Variants in PCDHGA6 observed in about 807,000 individuals in gnomAD.
The protein encoded by PCDHGA6 is protocadherin gamma-A6.
Under a neutral mutation model 60.6 loss-of-function variants are expected in PCDHGA6, and 41 were observed. The ratio of observed to expected loss-of-function variants is 0.68; its 90% CI spans 0.53 to 0.88. PCDHGA6 has a LOEUF of 0.88. Ranked by LOEUF, PCDHGA6 falls within the 40% of genes least tolerant of loss-of-function variation. The probability of loss-of-function intolerance (pLI) is 0.00; values close to 1 mark genes in which losing one functional copy is unlikely to be tolerated. For missense variants in PCDHGA6, 1,312 were observed against 1,203.0 expected, an observed-to-expected ratio of 1.09 and a Z score of -1.34; for synonymous variants, 594 against 524.4, an observed-to-expected ratio of 1.13 and a Z score of -1.81.
chr5:141,422,078 A>G lies in PCDHGA6; in HGVS notation c.2424+45571A>G, dbSNP rs1442545718. 11 of 1,612,298 alleles carry G rather than the reference A, an allele frequency of 6.8e-6. No homozygotes were observed. In the South Asian group the frequency reaches 8.8e-5, roughly 13 times the overall value. Reference sequence around the variant, plus strand: ...GGGGAAGTAATGTATTCATTTCGGAACATGGAAAGCAAGGCTTCTGAAATA... The same window carrying G: ...GGGGAAGTAATGTATTCATTTCGGAGCATGGAAAGCAAGGCTTCTGAAATA... On this transcript the variant is annotated intron_variant, in intron 1 of 3. Coordinates refer to ENST00000517434, the MANE Select transcript of PCDHGA6 (RefSeq NM_018919.3).
At chr5:141,383,710 G>C (rs1388027066) in intron 1 of PCDHGA6, 1 of 1,613,992 alleles carries the variant, frequency 6.2e-7, no homozygotes. Flanking sequence ...CGACCTGGAC[G>C]AGGGAGTCAA....
intron 1 of PCDHGA6, chr5:141,441,530 A>T (rs2154559371): frequency 5.8e-6 from 1 of 172,118 alleles, no homozygotes; most frequent in Non-Finnish European, 1.2e-5. Flanking sequence ...GCCAAGAACA[A>T]TCTTCCCAAA....
Position 141,422,340 on chromosome 5 carries a change from T to C in PCDHGA6, c.2424+45833T>C, listed in dbSNP as rs776306472. ...CAGGTACAGTGATTGCTCTTCTAAA[T>C]GTGCAAGATCAAGATTCTGGAGAAA... On this transcript the variant is annotated intron_variant, in intron 1 of 3. Transcript: ENST00000517434. 2.6e-6 allele frequency: 4 copies of C among 1,550,190 alleles called. 1 individual carries two copies. Among genetic ancestry groups the C allele is most frequent in the Non-Finnish European group, 3.5e-6 (4 of 1,154,238 alleles).
intron 1 of PCDHGA6, chr5:141,410,822 A>C: frequency 2.2e-6 from 1 of 461,410 alleles, no homozygotes; most frequent in Non-Finnish European, 3.6e-6. Context: ...AAATAATGTC[A>C]CCAGACTGAA....
At chr5:141,428,021 C>G (rs1185050109) in intron 1 of PCDHGA6, 1 of 1,605,486 alleles carries the variant, frequency 6.2e-7, no homozygotes, top group Admixed American at 1.7e-5. Flanking sequence ...TGCCACGCGC[C>G]GCAGAGTCCG....
intron 1 of PCDHGA6, among the ~76,000 whole-genome samples, chr5:141,448,476 G>A (rs1002358317): frequency 1.3e-5 from 2 of 151,976 alleles, no homozygotes; most frequent in African/African-American, 4.8e-5. Flanking sequence ...TTCCACCCTT[G>A]CTTCCTCCTG....
chr5:141,400,163 A>G, intron 1 of PCDHGA6: 1 of 1,613,830 alleles, frequency 6.2e-7, no homozygotes, highest in Non-Finnish European at 8.5e-7. Flanking sequence ...GTACCCTCTG[A>G]CCCCCAGGCT....
At position 141,420,872 on chromosome 5, in the gene PCDHGA6, G is replaced by A. The variant is rs575322685; in HGVS notation, c.2424+44365G>A. 3.3e-5 allele frequency among the ~76,000 whole-genome samples: 5 copies of A among 152,328 alleles called. No homozygotes were observed. The East Asian group carries it at 7.7e-4, about 24-fold the overall frequency. On this transcript the variant is annotated intron_variant, in intron 1 of 3. Coordinates refer to ENST00000517434, the MANE Select transcript of PCDHGA6 (RefSeq NM_018919.3). ...AAAGTTTTAACGTCACATAATGTAA[G>A]TATTGTGTATCATCGTTTTTAAGCT...
chr5:141,427,890 G>T lies in PCDHGA6; in HGVS notation c.2424+51383G>T, dbSNP rs1438515062. 1.9e-6 allele frequency: 3 copies of T among 1,566,844 alleles called. No homozygotes were observed. In the South Asian group the frequency reaches 3.3e-5, roughly 17 times the overall value. Reference sequence around the variant, plus strand: ...GCTCACGATGCAGGCCCACGACCAGGGCTCGCCCGCGCTCAGCGCCAACAT... The same window carrying T: ...GCTCACGATGCAGGCCCACGACCAGTGCTCGCCCGCGCTCAGCGCCAACAT... On this transcript the variant is annotated intron_variant, in intron 1 of 3. Transcript: ENST00000517434.
intron 1 of PCDHGA6, among the ~76,000 whole-genome samples, chr5:141,381,826 C>CTTCT (rs1777532522): frequency 2.0e-4 from 15 of 74,296 alleles, no homozygotes; most frequent in South Asian, 5.2e-4. Context: ...CTTTCTTCTT[C>CTTCT]TTTTTTTTTT....
At position 141,431,808 on chromosome 5, in the gene PCDHGA6, C is replaced by A. The variant is rs2097419249; in HGVS notation, c.2424+55301C>A. Reference sequence around the variant, plus strand: ...GACAATGCCCCAGAAGTGGTCCTCACCTCTCTCGCCAGCTCGGTTCCCGAA... The same window carrying A: ...GACAATGCCCCAGAAGTGGTCCTCAACTCTCTCGCCAGCTCGGTTCCCGAA... On this transcript the variant is annotated intron_variant, in intron 1 of 3. Transcript: ENST00000517434. The surrounding 1 kb of genome is among the most constrained non-coding windows in gnomAD (Gnocchi z 4.8). The A allele has an allele frequency of 6.2e-7, 1 of 1,614,236 alleles. No individual in the cohort carries two copies. Among genetic ancestry groups the A allele is most frequent in the Non-Finnish European group, 8.5e-7 (1 of 1,180,040 alleles).
chr5:141,509,839 T>C (rs1277859334), intron 3 of PCDHGA6, among the ~76,000 whole-genome samples: 4 of 152,162 alleles, frequency 2.6e-5, no homozygotes, highest in Non-Finnish European at 5.9e-5. Context: ...CTACCTCCCA[T>C]TCACTCAGAA....
intron 1 of PCDHGA6, chr5:141,410,318 G>A: frequency 6.2e-7 from 1 of 1,613,982 alleles, no homozygotes; most frequent in Non-Finnish European, 8.5e-7. Flanking sequence ...CTTCCTCCTC[G>A]CCGTGATTCT....
At chr5:141,392,349 A>T (rs60903062) in intron 1 of PCDHGA6, 6,500 of 152,632 alleles carry the variant, frequency 0.043, 224 homozygotes, top group African/African-American at 0.093. Context: ...GAGTAATTTA[A>T]TCCGATGCTA....
At chr5:141,434,535 A>G (rs939961995) in intron 1 of PCDHGA6, among the ~76,000 whole-genome samples, 1 of 152,230 alleles carries the variant, frequency 6.6e-6, no homozygotes, top group African/African-American at 2.4e-5. Flanking sequence ...ACCACAAACA[A>G]TAGCATGAGT....
rs772328241 is a variant in PCDHGA6 at position 141,491,340 on chromosome 5, C to A, written c.2425-3467C>A. On this transcript the variant is annotated intron_variant, in intron 1 of 3. Coordinates refer to ENST00000517434, the MANE Select transcript of PCDHGA6 (RefSeq NM_018919.3). The surrounding 1 kb of genome is among the most constrained non-coding windows in gnomAD (Gnocchi z 6.9). ...TTTACCTCATTGTGGCTCTAGCGACCGTCAGTCTCTTATCCCTAGTCACCT... is the reference window on the plus strand; with the variant it reads ...TTTACCTCATTGTGGCTCTAGCGACAGTCAGTCTCTTATCCCTAGTCACCT... 4.3e-6 allele frequency: 7 copies of A among 1,614,146 alleles called. No homozygotes were observed. Among genetic ancestry groups the A allele is most frequent in the Non-Finnish European group, 5.9e-6 (7 of 1,180,014 alleles).
intron 2 of PCDHGA6, among the ~76,000 whole-genome samples, chr5:141,501,331 ACACC>A (rs747366952): frequency 1.4e-5 from 2 of 138,844 alleles, no homozygotes; most frequent in Non-Finnish European, 3.2e-5. Context: ...ACACACACAC[ACACC>A]CCAAACTCAA....
At chr5:141,429,196 A>T (rs2097195436) in intron 1 of PCDHGA6, 2 of 151,994 alleles carry the variant, frequency 1.3e-5, no homozygotes, top group African/African-American at 4.8e-5. Context: ...ACACACACAC[A>T]CACACACACG....
intron 1 of PCDHGA6, chr5:141,429,155 G>A (rs115622025): frequency 0.044 from 6,389 of 145,752 alleles, 216 homozygotes; most frequent in African/African-American, 0.099. Flanking sequence ...CACCCGGCCC[G>A]GAGACATTGT....
Sources: allele counts gnomAD v4.1 joint callset (sites outside exome capture counted in the v4.1 genomes callset), GRCh38; gene constraint gnomAD v4.1.1; non-coding constraint Gnocchi (gnomAD v3.1); transcripts MANE v1.5; gene names NCBI Gene and HGNC (gene_info 2026-07-23, HGNC 2026-07-21).